The following EYS variants were observed in gnomAD, a reference collection of about 807,000 sequenced individuals.
The protein encoded by EYS is protein eyes shut homolog.
A neutral mutation model predicts 282.1 loss-of-function variants in EYS; 250 were observed. The observed-to-expected ratio is 0.89, with a 90% CI of 0.80 to 0.98. EYS has a LOEUF of 0.98. EYS is among the 50% of genes least tolerant of loss of function. The pLI is 0.00. For missense variants in EYS, 4,016 were observed against 3,709.0 expected, an observed-to-expected ratio of 1.08 and a Z score of -2.15; for synonymous variants, 1,355 against 1,282.9, an observed-to-expected ratio of 1.06 and a Z score of -1.20.
chr6:65,138,123 G>T (rs1005285815), intron 12 of EYS, among the ~76,000 whole-genome samples: 3 of 152,054 alleles, frequency 2.0e-5, no homozygotes, highest in African/African-American at 7.2e-5. Flanking sequence ...ATCAATGAAA[G>T]ATTTCAATGA....
At chr6:63,984,978 G>A (rs1767287364) in intron 34 of EYS, among the ~76,000 whole-genome samples, 1 of 151,552 alleles carries the variant, frequency 6.6e-6, no homozygotes, top group Admixed American at 6.6e-5. Flanking sequence ...TTGTTGTTAG[G>A]GGTTGAATTG....
chr6:64,062,110 G>T (rs1175907235), intron 33 of EYS, among the ~76,000 whole-genome samples: 1 of 152,132 alleles, frequency 6.6e-6, no homozygotes, highest in Non-Finnish European at 1.5e-5. Flanking sequence ...CCCTGCATTT[G>T]CATAGTGAGA....
At chr6:64,410,212 A>T (rs1274851213) in intron 28 of EYS, among the ~76,000 whole-genome samples, 1 of 152,148 alleles carries the variant, frequency 6.6e-6, no homozygotes, top group East Asian at 1.9e-4. Flanking sequence ...TTTGCATCCA[A>T]CAGTCAGATT....
rs539001352 is a variant in EYS, at chr6:65,473,096, T to C, written c.862+17498A>G. On this transcript the variant is annotated intron_variant, in intron 5 of 42. Transcript: ENST00000503581. Reference sequence around the variant, plus strand: ...CAATGGTGCTAAATTCATGTGAATATATTACATCAGGCTATCGGTAAGGAG... The same window carrying C: ...CAATGGTGCTAAATTCATGTGAATACATTACATCAGGCTATCGGTAAGGAG... 4.6e-5 allele frequency among the ~76,000 whole-genome samples: 7 copies of C among 152,122 alleles called. No homozygotes were observed. The East Asian group carries it at 1.4e-3, about 29-fold the overall frequency.
chr6:65,577,396 T>A (rs927771166), intron 2 of EYS, among the ~76,000 whole-genome samples: 2 of 151,862 alleles, frequency 1.3e-5, no homozygotes, highest in Non-Finnish European at 2.9e-5. Context: ...AGGATGAAGT[T>A]AGACTCTCAT....
At chr6:64,636,673 A>G (rs2149867404) in intron 22 of EYS, among the ~76,000 whole-genome samples, 1 of 152,244 alleles carries the variant, frequency 6.6e-6, no homozygotes, top group South Asian at 2.1e-4. Context: ...ATGGGAGAAA[A>G]TTTTGCAACC....
chr6:64,508,962 G>T (rs974593240), intron 26 of EYS, among the ~76,000 whole-genome samples: 1 of 151,738 alleles, frequency 6.6e-6, no homozygotes, highest in Non-Finnish European at 1.5e-5. Flanking sequence ...CTTTAGGCAG[G>T]TTTTTGCTAA....
intron 31 of EYS, among the ~76,000 whole-genome samples, chr6:64,224,600 C>T (rs548601330): frequency 6.6e-6 from 1 of 151,830 alleles, no homozygotes; most frequent in African/African-American, 2.4e-5. Context: ...CTTTTAAGTA[C>T]CATTTAAGAT....
At chr6:64,226,457 C>A (rs551948128) in intron 31 of EYS, among the ~76,000 whole-genome samples, 31 of 152,002 alleles carry the variant, frequency 2.0e-4, no homozygotes, top group African/African-American at 7.2e-4. Flanking sequence ...AAGGTATGGG[C>A]CTGTTTAAAA....
At chr6:65,329,122 A>G (rs890043141) in intron 11 of EYS, 2 of 154,438 alleles carry the variant, frequency 1.3e-5, no homozygotes, top group African/African-American at 4.8e-5. Context: ...TGTTTGAGAT[A>G]TGAAATTGAA....
At chr6:63,750,056 TGTTCA>T (rs1316354168) in intron 41 of EYS, among the ~76,000 whole-genome samples, 1 of 152,218 alleles carries the variant, frequency 6.6e-6, no homozygotes, top group Non-Finnish European at 1.5e-5. Context: ...TATAATGAAT[TGTTCA>T]GTTCAGTTTT....
intron 35 of EYS, among the ~76,000 whole-genome samples, chr6:63,948,443 T>C (rs897295772): frequency 1.3e-5 from 2 of 152,216 alleles, no homozygotes; most frequent in African/African-American, 2.4e-5. Context: ...CTCTTTACAA[T>C]GTCAGCTGCA....
chr6:64,706,293 C>T (rs1441089451), intron 22 of EYS, among the ~76,000 whole-genome samples: 1 of 152,100 alleles, frequency 6.6e-6, no homozygotes, highest in Non-Finnish European at 1.5e-5. Context: ...ACTGGATCCT[C>T]ATCTCTCACC....
intron 12 of EYS, among the ~76,000 whole-genome samples, chr6:65,073,091 C>A (rs988440585): frequency 6.6e-6 from 1 of 151,314 alleles, no homozygotes; most frequent in African/African-American, 2.4e-5. Context: ...AAAATATAGA[C>A]AACACTCAGA....
intron 5 of EYS, among the ~76,000 whole-genome samples, chr6:65,423,489 C>A: frequency 6.6e-6 from 1 of 151,856 alleles, no homozygotes; most frequent in East Asian, 1.9e-4. Flanking sequence ...AGAACAGATC[C>A]TGGGACCTAG....
intron 31 of EYS, among the ~76,000 whole-genome samples, chr6:64,090,213 TA>T (rs1181384182): frequency 6.6e-6 from 1 of 152,160 alleles, no homozygotes; most frequent in Non-Finnish European, 1.5e-5. Flanking sequence ...AGTCTATTCT[TA>T]AATCTTTTCT....
At chr6:64,101,768 T>C (rs1772836408) in intron 31 of EYS, among the ~76,000 whole-genome samples, 1 of 152,066 alleles carries the variant, frequency 6.6e-6, no homozygotes, top group Admixed American at 6.6e-5. Flanking sequence ...TTTATTTCTA[T>C]TATTATTACA....
intron 31 of EYS, among the ~76,000 whole-genome samples, chr6:64,149,762 T>G (rs1469278387): frequency 6.6e-6 from 1 of 152,230 alleles, no homozygotes; most frequent in Non-Finnish European, 1.5e-5. Flanking sequence ...CTTTAAAGCC[T>G]GTTCTCTTAG....
chr6:64,297,117 T>C (rs977056265), intron 30 of EYS, among the ~76,000 whole-genome samples: 2 of 152,142 alleles, frequency 1.3e-5, no homozygotes, highest in African/African-American at 2.4e-5. Context: ...GTGACGGCCA[T>C]GGTGGACAGA....
Sources: gnomAD v4.1 joint callset for allele counts (sites outside exome capture counted in the v4.1 genomes callset) on GRCh38, gnomAD v4.1.1 for gene constraint, MANE v1.5 for transcripts, NCBI Gene and HGNC (gene_info 2026-07-23, HGNC 2026-07-21) for gene names.